The following L3MBTL4 variants were observed in gnomAD, a reference collection of about 807,000 sequenced individuals.
L3MBTL4 encodes lethal(3)malignant brain tumor-like protein 4.
Under a neutral mutation model 84.5 loss-of-function variants are expected in L3MBTL4, and 70 were observed. The observed-to-expected ratio is 0.83, with a 90% confidence interval of 0.68 to 1.01. The LOEUF is 1.01. L3MBTL4 is among the 50% of genes least tolerant of loss of function. The pLI is 0.00. For missense variants in L3MBTL4, 715 were observed against 754.8 expected, an observed-to-expected ratio of 0.95 and a Z score of 0.62; for synonymous variants, 274 against 259.8, an observed-to-expected ratio of 1.05 and a Z score of -0.52.
At chr18:6,378,393 C>A (rs1162172184) in intron 1 of L3MBTL4, among the ~76,000 whole-genome samples, 2 of 152,164 alleles carry the variant, frequency 1.3e-5, no homozygotes, top group African/African-American at 4.8e-5. Context: ...AGTCTTTGCC[C>A]ATGCCTATGT....
At chr18:6,003,828 A>G (rs947119262) in intron 16 of L3MBTL4, among the ~76,000 whole-genome samples, 1 of 152,248 alleles carries the variant, frequency 6.6e-6, no homozygotes, top group East Asian at 1.9e-4. Context: ...ATATTGAGAG[A>G]CAAATTTACA....
chr18:6,173,194 T>C (rs1464570581), intron 12 of L3MBTL4, among the ~76,000 whole-genome samples: 2 of 152,214 alleles, frequency 1.3e-5, no homozygotes, highest in Non-Finnish European at 2.9e-5. Context: ...CTTAGGTTCC[T>C]GACCATGACA....
chr18:6,180,618 A>G (rs2044425309), intron 12 of L3MBTL4, among the ~76,000 whole-genome samples: 1 of 152,242 alleles, frequency 6.6e-6, no homozygotes, highest in African/African-American at 2.4e-5. Flanking sequence ...AGTTTTCACT[A>G]TAGGTATTCT....
chr18:6,269,857 G>C (rs1018521480), intron 4 of L3MBTL4, among the ~76,000 whole-genome samples: 3 of 152,190 alleles, frequency 2.0e-5, no homozygotes, highest in African/African-American at 7.2e-5. Context: ...TCCAGTTCTA[G>C]GAAACTGCAC....
chr18:6,381,747 C>T (rs1049391033), intron 1 of L3MBTL4, among the ~76,000 whole-genome samples: 4 of 152,228 alleles, frequency 2.6e-5, no homozygotes, highest in Admixed American at 1.3e-4. Flanking sequence ...CAACCTTTCT[C>T]TCTGGCTGCC....
intron 16 of L3MBTL4, among the ~76,000 whole-genome samples, chr18:6,072,786 G>T (rs1434243695): frequency 6.9e-6 from 1 of 145,884 alleles, no homozygotes; most frequent in Non-Finnish European, 1.5e-5. Context: ...AACCCGGGAG[G>T]TGGAGCTTGC....
chr18:6,278,186 T>G (rs1339426352), intron 4 of L3MBTL4, among the ~76,000 whole-genome samples: 1 of 152,152 alleles, frequency 6.6e-6, no homozygotes, highest in Non-Finnish European at 1.5e-5. Context: ...TGAATTGAAT[T>G]GAAGGGTTTT....
At chr18:6,310,707 C>T (rs2050787220) in intron 3 of L3MBTL4, among the ~76,000 whole-genome samples, 1 of 152,154 alleles carries the variant, frequency 6.6e-6, no homozygotes, top group Non-Finnish European at 1.5e-5. Context: ...AAATAATCAC[C>T]ATGGAGGTCT....
At chr18:6,036,745 T>TC (rs1197399907) in intron 16 of L3MBTL4, among the ~76,000 whole-genome samples, 1 of 152,224 alleles carries the variant, frequency 6.6e-6, no homozygotes. Context: ...TCAGATTCTT[T>TC]CCCCAGAGTT....
intron 1 of L3MBTL4, among the ~76,000 whole-genome samples, chr18:6,370,091 G>A (rs1002971085): frequency 3.5e-5 from 5 of 143,880 alleles, no homozygotes; most frequent in Non-Finnish European, 4.5e-5. Flanking sequence ...CAGAGATCAT[G>A]CCACTGCACT....
chr18:6,079,250 T>C (rs1420373844), intron 16 of L3MBTL4, among the ~76,000 whole-genome samples: 3 of 152,128 alleles, frequency 2.0e-5, no homozygotes, highest in Non-Finnish European at 2.9e-5. Context: ...CCAATTTTCA[T>C]GGGATGGAAT....
At chr18:6,208,223 G>T (rs991606275) in intron 12 of L3MBTL4, among the ~76,000 whole-genome samples, 2 of 152,154 alleles carry the variant, frequency 1.3e-5, no homozygotes, top group African/African-American at 4.8e-5. Context: ...CCTTAGTAAA[G>T]TGAACATCAC....
intron 16 of L3MBTL4, among the ~76,000 whole-genome samples, chr18:6,038,734 T>C (rs2056266666): frequency 6.6e-6 from 1 of 152,166 alleles, no homozygotes; most frequent in Admixed American, 6.5e-5. Flanking sequence ...CAAATATTAT[T>C]CAAGAGAAAA....
chr18:6,365,886 CTT>C (rs35827733), intron 1 of L3MBTL4, among the ~76,000 whole-genome samples: 44,956 of 151,936 alleles, frequency 0.3, 7,551 homozygotes, highest in Middle Eastern at 0.41. Context: ...ATATTACACT[CTT>C]ATATTAAATA....
At chr18:5,980,163 T>C (rs967710263) in intron 16 of L3MBTL4, among the ~76,000 whole-genome samples, 1 of 152,210 alleles carries the variant, frequency 6.6e-6, no homozygotes. Flanking sequence ...GTCTGCGTTG[T>C]GGGGTGCTCT....
intron 5 of L3MBTL4, among the ~76,000 whole-genome samples, chr18:6,252,134 A>G (rs975135986): frequency 6.6e-6 from 1 of 152,204 alleles, no homozygotes; most frequent in African/African-American, 2.4e-5. Flanking sequence ...CAACATGGCT[A>G]AACCCCGTCT....
intron 16 of L3MBTL4, among the ~76,000 whole-genome samples, chr18:6,056,167 G>A (rs1335728344): frequency 1.3e-5 from 2 of 152,016 alleles, no homozygotes; most frequent in Non-Finnish European, 2.9e-5. Flanking sequence ...TTTCCAAGAA[G>A]AAATTTCTGG....
intron 1 of L3MBTL4, among the ~76,000 whole-genome samples, chr18:6,318,212 C>T (rs12232731): frequency 6.6e-6 from 1 of 151,864 alleles, no homozygotes; most frequent in East Asian, 1.9e-4. Flanking sequence ...AACAAACCAT[C>T]TAGGTAACAA....
At chr18:6,205,177 A>G (rs571384616) in intron 12 of L3MBTL4, among the ~76,000 whole-genome samples, 1 of 152,220 alleles carries the variant, frequency 6.6e-6, no homozygotes, top group South Asian at 2.1e-4. Context: ...AGAAGAGGAA[A>G]ATAGGAGTGT....
Sources: gnomAD v4.1 joint callset for allele counts (sites outside exome capture counted in the v4.1 genomes callset) on GRCh38, gnomAD v4.1.1 for gene constraint, MANE v1.5 for transcripts, NCBI Gene and HGNC (gene_info 2026-07-23, HGNC 2026-07-21) for gene names.